LARS1: variants seen among roughly 807,000 people sequenced by gnomAD.
LARS1 encodes leucine--tRNA ligase, cytoplasmic.
LARS1 carries 100 observed loss-of-function variants against 162.8 expected under a neutral mutation model. The observed-to-expected ratio is 0.61, with a 90% CI of 0.52 to 0.73. The LOEUF is 0.73. Ranked by LOEUF, LARS1 falls within the 30% of genes least tolerant of loss-of-function variation. LARS1 has a pLI of 0.00. For synonymous variants in LARS1, 457 were observed against 462.8 expected (o/e 0.99, Z 0.16); for missense variants, 1,258 against 1,408.9 (o/e 0.89, Z 1.71).
intron 20 of LARS1, 183 bp downstream of exon 20, chr5:146,142,689 G>C (rs1752836380): frequency 1.8e-6 from 1 of 545,920 alleles, no homozygotes; most frequent in Admixed American, 3.4e-5. Flanking sequence ...GTAGGTATGT[G>C]GATTTCTGGA....
intron 6 of LARS1, among the ~76,000 whole-genome samples, chr5:146,161,449 C>T (rs1561824794): frequency 6.6e-6 from 1 of 152,162 alleles, no homozygotes; most frequent in African/African-American, 2.4e-5. Flanking sequence ...TGGGAGTGGG[C>T]CGGGCATGGT....
At chr5:146,151,799 T>G in intron 14 of LARS1, 63 bp downstream of exon 14, 1 of 1,428,534 alleles carries the variant, frequency 7.0e-7, no homozygotes, top group Non-Finnish European at 9.6e-7. Context: ...ACATTTTTTC[T>G]AATTAAGAAA....
chr5:146,143,608 A>C lies in LARS1; in HGVS notation c.1739-58T>G, dbSNP rs1374812430. On this transcript the variant is annotated intron_variant, in intron 18 of 31. Coordinates refer to ENST00000394434, the MANE Select transcript of LARS1 (RefSeq NM_020117.11). ...GAGAGACATTTCATCTATAGAATCC[A>C]CATTTTTAAGAAGGGGGCTATAACA... 4 of 1,540,320 alleles carry C rather than the reference A, an allele frequency of 2.6e-6. No individual in the cohort carries two copies. In the East Asian group the frequency reaches 6.8e-5, roughly 26 times the overall value.
At chr5:146,172,488 C>T (rs1208443646) in intron 3 of LARS1, among the ~76,000 whole-genome samples, 199 bp downstream of exon 3, 3 of 151,720 alleles carry the variant, frequency 2.0e-5, no homozygotes, top group Admixed American at 2.0e-4. Flanking sequence ...TGCACTCCAG[C>T]CTGGTGACAA....
At position 146,122,578 on chromosome 5, in the gene LARS1, T is replaced by C. The variant is rs772112641; in HGVS notation, c.3106A>G (p.Ile1036Val). The change falls in exon 30 of 32, where the codon ATA (isoleucine) becomes GTA (valine). Residue 1036 changes from isoleucine (I) to valine (V), a missense_variant. Transcript: ENST00000394434. ...YLTNSLELEHIEVKFASEAED... is the reference protein window; with the variant it reads ...YLTNSLELEHVEVKFASEAED... Reference sequence around the variant, plus strand: ...GCTTCGGAGGCAAACTTGACTTCTATGTGTTCTAGCTAAACAGACGGGAAA... The same window carrying C: ...GCTTCGGAGGCAAACTTGACTTCTACGTGTTCTAGCTAAACAGACGGGAAA... 17 of 1,604,622 alleles carry C rather than the reference T, an allele frequency of 1.1e-5. No homozygotes were observed. The highest frequency in any genetic ancestry group is 1.4e-5 in the Non-Finnish European group (17 of 1,172,508).
intron 4 of LARS1, among the ~76,000 whole-genome samples, chr5:146,169,694 AC>A (rs1231101419): frequency 1.3e-5 from 2 of 151,888 alleles, no homozygotes; most frequent in Non-Finnish European, 2.9e-5. Flanking sequence ...AATTACAGGC[AC>A]CTGCCACCAC....
intron 31 of LARS1, among the ~76,000 whole-genome samples, chr5:146,119,247 C>T (rs1751702396): frequency 6.6e-6 from 1 of 152,178 alleles, no homozygotes; most frequent in Non-Finnish European, 1.5e-5. Flanking sequence ...CCCAAAGCCC[C>T]AGTACATACA....
intron 20 of LARS1, among the ~76,000 whole-genome samples, chr5:146,140,577 G>A (rs1752728253): frequency 6.6e-6 from 1 of 152,208 alleles, no homozygotes. Context: ...GGAGGCCAAG[G>A]CGGGTGGATC....
At chr5:146,166,141 C>T (rs183251489) in intron 5 of LARS1, among the ~76,000 whole-genome samples, 3 of 152,214 alleles carry the variant, frequency 2.0e-5, no homozygotes, top group African/African-American at 7.2e-5. Flanking sequence ...AGTTTCTGAA[C>T]ACCATTCTTC....
rs765616246 is a variant in LARS1, at chr5:146,172,641, G to A, written c.213+46C>T. ...TGCCATTTTCTTCAAAACAATATTCGTTAAAAACCTTCCTCCCCATTATAG... is the reference window on the plus strand; with the variant it reads ...TGCCATTTTCTTCAAAACAATATTCATTAAAAACCTTCCTCCCCATTATAG... On this transcript the variant is annotated intron_variant, in intron 3 of 31. Coordinates refer to ENST00000394434, the MANE Select transcript of LARS1 (RefSeq NM_020117.11). 2.1e-5 allele frequency: 24 copies of A among 1,136,050 alleles called. No homozygotes were observed. The Admixed American group carries it at 2.9e-4, about 14-fold the overall frequency. The allele number at this position is 1,136,050 out of a possible 1,614,324, so 70.4% of individuals were successfully genotyped here.
rs551904146 is a variant in LARS1 at position 146,121,686 on chromosome 5, T to C, written c.3192+806A>G. Among the ~76,000 whole-genome samples the C allele has an allele frequency of 5.3e-5, 8 of 152,258 alleles. No individual in the cohort carries two copies. The South Asian group carries it at 1.5e-3, about 28-fold the overall frequency. Reference sequence around the variant, plus strand: ...TTTATGTCCTTTGTAGGGACATGGATAAAGCTGGAAACCATCATTCTCCAC... The same window carrying C: ...TTTATGTCCTTTGTAGGGACATGGACAAAGCTGGAAACCATCATTCTCCAC... On this transcript the variant is annotated intron_variant, in intron 30 of 31. Transcript: ENST00000394434.
At chr5:146,154,566 T>C (rs892909070) in intron 10 of LARS1, among the ~76,000 whole-genome samples, 18 of 152,138 alleles carry the variant, frequency 1.2e-4, no homozygotes, top group African/African-American at 3.9e-4. Context: ...TTGCCTGAGC[T>C]TAGGAGTTCG....
rs112912805 is a variant in LARS1, at chr5:146,130,068, C to T, written c.2578G>A (p.Ala860Thr). 5.0e-3 allele frequency: 8,086 copies of T among 1,613,922 alleles called. 46 individuals carry two copies. Among genetic ancestry groups the T allele is most frequent in the South Asian group, 6.2e-3 (561 of 91,070 alleles). Residue 860 changes from alanine to threonine, a missense_variant, in exon 25 of 32, where the codon GCT becomes ACT. Ala to Thr is a moderately conservative substitution (Grantham distance 58). Coordinates refer to ENST00000394434, the MANE Select transcript of LARS1 (RefSeq NM_020117.11). ...RFIEVQTLLL[A>T]PFCPHLCEHI... Reference sequence around the variant, plus strand: ...TCACACAAATGTGGACAGAATGGAGCGAGGAGAAGTGTCTGAACTTCAATA... The same window carrying T: ...TCACACAAATGTGGACAGAATGGAGTGAGGAGAAGTGTCTGAACTTCAATA...
At chr5:146,175,511 A>T (rs993125692) in intron 2 of LARS1, among the ~76,000 whole-genome samples, 5 of 138,330 alleles carry the variant, frequency 3.6e-5, no homozygotes, top group Non-Finnish European at 7.7e-5. Context: ...CACTGCACCC[A>T]GCCTAGGCAA....
Position 146,130,130 on chromosome 5 carries a change from G to A in LARS1, c.2516C>T (p.Ala839Val). 1 of 1,613,652 alleles carries A rather than the reference G, an allele frequency of 6.2e-7. No homozygotes were observed. The highest frequency in any genetic ancestry group is 2.2e-5 in the East Asian group (1 of 44,864). The change falls in exon 25 of 32, where the codon GCT (alanine) becomes GTT (valine). Residue 839 changes from alanine (A) to valine (V), a missense_variant. By Grantham distance (64) the Ala-to-Val change is moderately conservative. Coordinates refer to ENST00000394434, the MANE Select transcript of LARS1 (RefSeq NM_020117.11). ...QAAKDKYREL[A>V]VEGMHRELVF... ...AAGTTCTCTGTGCATCCCTTCCACA[G>A]CCAATTCACGGTACTTATCTTTTGC...
At position 146,170,856 on chromosome 5, in the gene LARS1, CCTG is replaced by C. The variant is rs574069595; in HGVS notation, c.294+1051_294+1053del. Among the ~76,000 whole-genome samples, 206 of 149,792 alleles carry C rather than the reference CCTG, an allele frequency of 1.4e-3. 2 individuals carry two copies. The highest frequency in any genetic ancestry group is 4.8e-3 in the African/African-American group (195 of 40,874). ...CTAAAAGTACAACACTGCACTCCAG[CCTG>C]GGTGACAGAGCAAGACTCCAACTCA... On this transcript the variant is annotated intron_variant, in intron 4 of 31. Coordinates refer to ENST00000394434, the MANE Select transcript of LARS1 (RefSeq NM_020117.11).
intron 25 of LARS1, 91 bp from the exon 26 acceptor site, chr5:146,129,209 A>G (rs1752173737): frequency 1.8e-6 from 2 of 1,126,850 alleles, no homozygotes; most frequent in Admixed American, 2.7e-5. Context: ...TACCAAGGAT[A>G]CCATCTGTAA....
intron 2 of LARS1, among the ~76,000 whole-genome samples, chr5:146,174,321 T>C (rs1754411517): frequency 6.7e-6 from 1 of 149,504 alleles, no homozygotes; most frequent in Non-Finnish European, 1.5e-5. Flanking sequence ...GGCGCATGCC[T>C]GTAATCCCAG....
chr5:146,127,637 G>A (rs1312510714), intron 27 of LARS1, among the ~76,000 whole-genome samples: 1 of 151,986 alleles, frequency 6.6e-6, no homozygotes, highest in African/African-American at 2.4e-5. Flanking sequence ...ATCCACTGAG[G>A]TAGTTTCACT....
Sources: allele counts gnomAD v4.1 joint callset (sites outside exome capture counted in the v4.1 genomes callset), GRCh38; gene constraint gnomAD v4.1.1; transcripts MANE v1.5; gene names NCBI Gene and HGNC (gene_info 2026-07-23, HGNC 2026-07-21).